The following DOCK4 variants were observed in gnomAD, a reference collection of about 807,000 sequenced individuals.
The protein encoded by DOCK4 is dedicator of cytokinesis protein 4.
A neutral mutation model predicts 268.1 loss-of-function variants in DOCK4; 97 were observed. That is an observed-to-expected ratio of 0.36 (90% confidence interval 0.31 to 0.43). The LOEUF (loss-of-function observed/expected upper bound fraction) is 0.43. Among genes scored for constraint, DOCK4 ranks in the 20% least tolerant of loss-of-function variants. The probability of loss-of-function intolerance (pLI) is 1.00; values close to 1 mark genes in which losing one functional copy is unlikely to be tolerated. For missense variants in DOCK4, 2,145 were observed against 2,455.7 expected (o/e 0.87, Z 2.67); for synonymous variants, 954 against 887.2 (o/e 1.08, Z -1.34).
intron 1 of DOCK4, among the ~76,000 whole-genome samples, chr7:112,068,235 T>C (rs1397229138): frequency 1.3e-5 from 2 of 152,198 alleles, no homozygotes; most frequent in African/African-American, 2.4e-5. Flanking sequence ...GGTCAGTTTC[T>C]TCAACTGTAA....
chr7:111,985,316 C>T (rs1332731174), intron 6 of DOCK4, among the ~76,000 whole-genome samples: 1 of 152,160 alleles, frequency 6.6e-6, no homozygotes, highest in Non-Finnish European at 1.5e-5. Context: ...ACCCTCTTCT[C>T]TAGCAGAGCC....
At chr7:111,778,846 A>G (rs995723672) in intron 35 of DOCK4, among the ~76,000 whole-genome samples, 4 of 152,060 alleles carry the variant, frequency 2.6e-5, no homozygotes, top group Non-Finnish European at 5.9e-5. Context: ...CACGAGGTCA[A>G]GAGATTGAAA....
At chr7:111,833,000 T>C (rs1359175287) in intron 26 of DOCK4, among the ~76,000 whole-genome samples, 1 of 152,256 alleles carries the variant, frequency 6.6e-6, no homozygotes, top group South Asian at 2.1e-4. Flanking sequence ...TCTTTCAGTT[T>C]ATGCTTCTCT....
intron 1 of DOCK4, among the ~76,000 whole-genome samples, chr7:112,076,731 T>C (rs1287013388): frequency 6.6e-6 from 1 of 152,136 alleles, no homozygotes; most frequent in African/African-American, 2.4e-5. Flanking sequence ...TTTTTAGAAA[T>C]CATTTTTCAT....
chr7:112,132,415 C>T (rs1323310842), intron 1 of DOCK4, among the ~76,000 whole-genome samples: 5 of 152,122 alleles, frequency 3.3e-5, no homozygotes, highest in African/African-American at 4.8e-5. Context: ...AAAAACAGGA[C>T]ATTTGGTCAT....
intron 35 of DOCK4, among the ~76,000 whole-genome samples, chr7:111,782,459 T>C (rs776276110): frequency 6.6e-6 from 1 of 152,142 alleles, no homozygotes; most frequent in Non-Finnish European, 1.5e-5. Flanking sequence ...GGACTGCATA[T>C]CACTCTGTGA....
chr7:112,020,258 C>T (rs1014681513), intron 1 of DOCK4, among the ~76,000 whole-genome samples: 1 of 152,234 alleles, frequency 6.6e-6, no homozygotes, highest in Non-Finnish European at 1.5e-5. Context: ...TAATAGATCA[C>T]CCTGTCAGTT....
intron 8 of DOCK4, among the ~76,000 whole-genome samples, chr7:111,955,293 G>A (rs1226898647): frequency 6.6e-6 from 1 of 152,222 alleles, no homozygotes; most frequent in Non-Finnish European, 1.5e-5. Context: ...GAAATGGAAA[G>A]AGGAAGATCT....
chr7:111,927,246 T>C (rs1242229235), intron 12 of DOCK4, among the ~76,000 whole-genome samples: 1 of 152,232 alleles, frequency 6.6e-6, no homozygotes, highest in Admixed American at 6.5e-5. Context: ...ACTGCTGGTT[T>C]GCAGATCTGC....
At chr7:111,864,173 C>T (rs532939485) in intron 22 of DOCK4, among the ~76,000 whole-genome samples, 1 of 152,010 alleles carries the variant, frequency 6.6e-6, no homozygotes, top group East Asian at 1.9e-4. Flanking sequence ...TTACAAGAAC[C>T]CTCTGGGTTG....
intron 1 of DOCK4, among the ~76,000 whole-genome samples, chr7:112,165,359 A>G (rs1309729084): frequency 6.8e-6 from 1 of 147,952 alleles, no homozygotes. Context: ...CTATCTTTCC[A>G]TGCTCTACGT....
intron 21 of DOCK4, 108 bp from the exon 22 acceptor site, chr7:111,868,262 C>T: frequency 2.4e-6 from 2 of 828,546 alleles, no homozygotes; most frequent in Non-Finnish European, 3.6e-6. Context: ...TTACATTATT[C>T]ATGTAGACAC....
At chr7:111,900,314 T>G in intron 15 of DOCK4, 60 bp downstream of exon 15, 1 of 1,554,862 alleles carries the variant, frequency 6.4e-7, no homozygotes, top group South Asian at 1.2e-5. Context: ...TCATGACAGC[T>G]CAGTAAGCAG....
intron 12 of DOCK4, among the ~76,000 whole-genome samples, chr7:111,925,827 C>G (rs1451535117): frequency 6.6e-6 from 1 of 152,156 alleles, no homozygotes; most frequent in Admixed American, 6.5e-5. Context: ...GTGGCTCATG[C>G]CTGTAATCCC....
intron 8 of DOCK4, among the ~76,000 whole-genome samples, chr7:111,948,408 C>G (rs1795791510): frequency 1.3e-5 from 2 of 152,060 alleles, no homozygotes; most frequent in Non-Finnish European, 1.5e-5. Context: ...TTCCAGAATA[C>G]TGAGATAAAG....
intron 1 of DOCK4, among the ~76,000 whole-genome samples, chr7:112,089,035 C>G (rs918431289): frequency 6.6e-6 from 1 of 152,004 alleles, no homozygotes; most frequent in Non-Finnish European, 1.5e-5. Context: ...ATATAAAATA[C>G]CTAATTAATA....
At chr7:111,956,307 G>A (rs1586489169) in intron 8 of DOCK4, among the ~76,000 whole-genome samples, 1 of 152,062 alleles carries the variant, frequency 6.6e-6, no homozygotes, top group Non-Finnish European at 1.5e-5. Flanking sequence ...TTCTTAAAAA[G>A]GCAGAAAAGC....
chr7:112,158,316 A>G, intron 1 of DOCK4, among the ~76,000 whole-genome samples: 1 of 152,220 alleles, frequency 6.6e-6, no homozygotes, highest in Non-Finnish European at 1.5e-5. Context: ...CCTAGCACCT[A>G]TTGCTTATAC....
chr7:112,078,180 C>G (rs1321007068), intron 1 of DOCK4, among the ~76,000 whole-genome samples: 1 of 152,070 alleles, frequency 6.6e-6, no homozygotes, highest in African/African-American at 2.4e-5. Flanking sequence ...GATTTTATCT[C>G]TCATGTTTTT....
Sources: gnomAD v4.1 joint callset for allele counts (sites outside exome capture counted in the v4.1 genomes callset) on GRCh38, gnomAD v4.1.1 for gene constraint, MANE v1.5 for transcripts, NCBI Gene and HGNC (gene_info 2026-07-23, HGNC 2026-07-21) for gene names.